TMEM160: variants seen among roughly 807,000 people sequenced by gnomAD.
The protein encoded by TMEM160 is transmembrane protein 160.
In TMEM160, 10 loss-of-function variants were observed where a neutral mutation model predicts 13.9. That is an observed-to-expected ratio of 0.72 (90% CI 0.45 to 1.22). TMEM160 has a LOEUF of 1.22. TMEM160 is among the 50% of genes most tolerant of loss of function. The pLI is 0.00. For synonymous variants in TMEM160, 159 were observed against 134.8 expected (o/e 1.18, Z -1.25); for missense variants, 287 against 283.2 (o/e 1.01, Z -0.10).
intron 1 of TMEM160, among the ~76,000 whole-genome samples, chr19:47,048,085 C>A (rs1021007104): frequency 3.3e-5 from 5 of 151,818 alleles, no homozygotes; most frequent in African/African-American, 9.7e-5. Flanking sequence ...CCATCTTGTA[C>A]CCAACTCCAC....
rs2122581565 is a variant in TMEM160 at position 47,048,474 on chromosome 19, A to C, written c.141T>G (p.Ala47=). The C allele has an allele frequency of 7.1e-7, 1 of 1,408,928 alleles. No individual in the cohort carries two copies. The highest frequency in any genetic ancestry group is 2.9e-5 in the East Asian group (1 of 34,432). 87.3% of individuals were successfully genotyped at this position (1,408,928 alleles called of 1,614,324 possible). A position where few individuals can be genotyped will look rare whatever the true frequency, so the allele number is the denominator to read the frequency against. The change falls in exon 1 of 3, where the codon GCT becomes GCG. Residue 47 remains alanine (A), a synonymous_variant. Coordinates refer to ENST00000253047, the MANE Select transcript of TMEM160 (RefSeq NM_017854.2). ...FAPGHGPRAG[A]SPPPVSELDR... is the part of the protein sequence containing the mutation. The stretch of plus-strand genomic sequence containing the variant: ...CCAGCTCGGACACTGGGGGCGGCGA[A>C]GCCCCGGCGCGGGGACCGTGGCCGG...
chr19:47,046,246 A>T lies in TMEM160; in HGVS notation c.308T>A (p.Phe103Tyr). 6.5e-7 allele frequency: 1 copy of T among 1,536,470 alleles called. No homozygotes were observed. The change falls in exon 3 of 3, where the codon TTC (phenylalanine) becomes TAC (tyrosine). Residue 103 changes from phenylalanine to tyrosine, a missense_variant. Coordinates refer to ENST00000253047, the MANE Select transcript of TMEM160 (RefSeq NM_017854.2). The part of the protein sequence containing the change: ...DMGREAAYGF[F>Y]LLGGLCVVWG... The stretch of plus-strand genomic sequence containing the variant: ...CACCACGCACAGGCCGCCCAGCAGG[A>T]AGAAGCCTGCGGGAGAGGCAGGGTA...
At chr19:47,048,004 C>A in intron 1 of TMEM160, 1 of 871,192 alleles carries the variant, frequency 1.1e-6, no homozygotes, top group Non-Finnish European at 1.4e-6. Context: ...CAATCCTGAA[C>A]TTCCCCCTCT....
At chr19:47,047,977 T>C (rs1318789347) in intron 1 of TMEM160, 2 of 972,404 alleles carry the variant, frequency 2.1e-6, no homozygotes, top group Admixed American at 6.2e-5. Flanking sequence ...TTTCTCCCGA[T>C]TGGTTGTCCC....
Position 47,045,917 on chromosome 19 carries a change from G to A in TMEM160, c.*70C>T. The A allele has an allele frequency of 1.3e-5, 18 of 1,424,182 alleles. No homozygotes were observed. The highest frequency in any genetic ancestry group is 1.7e-5 in the Non-Finnish European group (18 of 1,085,094). 88.2% of individuals were successfully genotyped at this position (1,424,182 alleles called of 1,614,324 possible). On this transcript the variant is annotated 3_prime_UTR_variant, in exon 3 of 3. Transcript: ENST00000253047. ...AACCAATACTCTGCATCTGGAGGAG[G>A]GGAGGTCAGGTTTAATGTCCCAGTC... is the stretch of plus-strand genomic sequence containing the variant.
At chr19:47,046,366 C>G in intron 2 of TMEM160, 114 bp from the exon 3 acceptor site, 1 of 1,301,842 alleles carries the variant, frequency 7.7e-7, no homozygotes, top group Non-Finnish European at 1.0e-6. Context: ...TAGCCTGCAT[C>G]TTTGAGAATC....
Position 47,046,023 on chromosome 19 carries a change from T to A in TMEM160, c.531A>T (p.Glu177Asp). Reference sequence around the variant, plus strand: ...GCGGCCGACCCGCCTCATCAGGGCCTTCCGCGGAGGCCGTCCCGTCGTCCT... The same window carrying A: ...GCGGCCGACCCGCCTCATCAGGGCCATCCGCGGAGGCCGTCCCGTCGTCCT... ...VPEDDGTASA[E>D]GPDEAGRPPP... Residue 177 changes from glutamate (E) to aspartate (D), a missense_variant, in exon 3 of 3, where the codon GAA becomes GAT. Transcript: ENST00000253047. The A allele has an allele frequency of 1.9e-6, 3 of 1,549,040 alleles. No homozygotes were observed. Among genetic ancestry groups the A allele is most frequent in the Non-Finnish European group, 1.7e-6 (2 of 1,154,716 alleles).
Position 47,048,562 on chromosome 19 carries a change from A to C in TMEM160, c.53T>G (p.Phe18Cys), listed in dbSNP as rs1245112477. The C allele has an allele frequency of 1.3e-6, 2 of 1,515,538 alleles. No homozygotes were observed. The allele number at this position is 1,515,538 out of a possible 1,614,324, so 93.9% of individuals were successfully genotyped here. ...ARAARLARLRFRRSLLPPQRP... is the reference protein window; with the variant it reads ...ARAARLARLRCRRSLLPPQRP... ...CTGAGGCGGCAGTAGCGACCTCCGG[A>C]AGCGAAGACGGGCAAGGCGAGCGGC... The change falls in exon 1 of 3, where the codon TTC becomes TGC. Residue 18 changes from phenylalanine to cysteine, a missense_variant. Transcript: ENST00000253047.
intron 1 of TMEM160, chr19:47,047,343 C>G: frequency 1.0e-6 from 1 of 985,054 alleles, no homozygotes; most frequent in South Asian, 4.7e-5. Context: ...GGCCTGCCCA[C>G]TCACTTCTTT....
At chr19:47,047,487 T>C (rs1433669487) in intron 1 of TMEM160, 1 of 985,236 alleles carries the variant, frequency 1.0e-6, no homozygotes, top group African/African-American at 1.7e-5. Context: ...GAGTATGGCC[T>C]GGGCCAATCC....
chr19:47,046,570 C>T (rs1338357004), intron 2 of TMEM160, 23 bp downstream of exon 2: 3 of 1,589,902 alleles, frequency 1.9e-6, no homozygotes, highest in East Asian at 2.2e-5. Context: ...TTCCGTGGGG[C>T]GAGAGGGGGG....
rs751706901 is a variant in TMEM160, at chr19:47,045,969, G to T, written c.*18C>A. ...TCGGGCGCTGTCCAGCGCCTGCCAG[G>T]CCCCACGGCCGTGTCGCTCACTCGG... On this transcript the variant is annotated 3_prime_UTR_variant, in exon 3 of 3. Coordinates refer to ENST00000253047, the MANE Select transcript of TMEM160 (RefSeq NM_017854.2). 13 of 1,529,328 alleles carry T rather than the reference G, an allele frequency of 8.5e-6. No homozygotes were observed. In the Admixed American group the frequency reaches 1.0e-4, roughly 12 times the overall value. 94.7% of individuals were successfully genotyped at this position (1,529,328 alleles called of 1,614,324 possible). A position where few individuals can be genotyped will look rare whatever the true frequency, so the allele number is the denominator to read the frequency against.
intron 1 of TMEM160, 68 bp from the exon 2 acceptor site, chr19:47,046,753 A>G: frequency 8.4e-7 from 1 of 1,191,638 alleles, no homozygotes; most frequent in Non-Finnish European, 1.2e-6. Flanking sequence ...CCCCTTACCC[A>G]GTCAAACTGA....
At chr19:47,046,281 C>G in intron 2 of TMEM160, 29 bp from the exon 3 acceptor site, 2 of 1,518,646 alleles carry the variant, frequency 1.3e-6, no homozygotes, top group Non-Finnish European at 1.8e-6. Flanking sequence ...AGCAACAGGG[C>G]CAAGGTCGGG....
At position 47,046,381 on chromosome 19, in the gene TMEM160, C is replaced by T. The variant is rs890875194; in HGVS notation, c.302-129G>A. 76 of 1,220,266 alleles carry T rather than the reference C, an allele frequency of 6.2e-5. No individual in the cohort carries two copies. In the South Asian group the frequency reaches 1.1e-3, roughly 18 times the overall value. The allele number at this position is 1,220,266 out of a possible 1,614,324, so 75.6% of individuals were successfully genotyped here. A position where few individuals can be genotyped will look rare whatever the true frequency, so the allele number is the denominator to read the frequency against. On this transcript the variant is annotated intron_variant, in intron 2 of 2. Transcript: ENST00000253047. ...TAGCCTGCATCTTTGAGAATCAGATCGGAGGGGAGGGGACCATAACCATGT... is the reference window on the plus strand; with the variant it reads ...TAGCCTGCATCTTTGAGAATCAGATTGGAGGGGAGGGGACCATAACCATGT...
At chr19:47,047,432 TCTC>T (rs1290924715) in intron 1 of TMEM160, 2 of 985,308 alleles carry the variant, frequency 2.0e-6, no homozygotes, top group African/African-American at 1.7e-5. Context: ...AATGCCGCCA[TCTC>T]CTACCGAGTA....
At position 47,047,574 on chromosome 19, in the gene TMEM160, A is replaced by G. The variant is rs73940802; in HGVS notation, c.208+833T>C. 13,394 of 984,976 alleles carry G rather than the reference A, an allele frequency of 0.014. 1,374 individuals are homozygous for G. The African/African-American group carries it at 0.22, about 16-fold the overall frequency. The allele number at this position is 984,976 out of a possible 1,614,324, so 61.0% of individuals were successfully genotyped here. A position where few individuals can be genotyped will look rare whatever the true frequency, so the allele number is the denominator to read the frequency against. On this transcript the variant is annotated intron_variant, in intron 1 of 2. Transcript: ENST00000253047. ...ATATCTAGATGCCCGGTCCTGGCCT[A>G]GTGAGGTGACTCACACCTATAATCC...
chr19:47,046,465 G>C (rs991892135), intron 2 of TMEM160, 128 bp downstream of exon 2: 1 of 954,708 alleles, frequency 1.0e-6, no homozygotes, highest in African/African-American at 1.6e-5. Context: ...TCTGGTGGGG[G>C]AAGAATGGGG....
chr19:47,048,334 C>T, intron 1 of TMEM160, 73 bp downstream of exon 1: 1 of 1,289,476 alleles, frequency 7.8e-7, no homozygotes, highest in Non-Finnish European at 1.0e-6. Flanking sequence ...GCAGAAGCCC[C>T]CGCCCCATCA....
Sources: allele counts gnomAD v4.1 joint callset (sites outside exome capture counted in the v4.1 genomes callset), GRCh38; gene constraint gnomAD v4.1.1; transcripts MANE v1.5; gene names NCBI Gene and HGNC (gene_info 2026-07-23, HGNC 2026-07-21).